The following VPS13A variants were observed in gnomAD, a reference collection of about 807,000 sequenced individuals.
VPS13A encodes vacuolar protein sorting 13 homolog A, also known as intermembrane lipid transfer protein VPS13A.
In VPS13A, 264 loss-of-function variants were observed where a neutral mutation model predicts 390.9. The ratio of observed to expected loss-of-function variants is 0.68; its 90% confidence interval spans 0.61 to 0.75. The LOEUF is 0.75. VPS13A is among the 30% of genes least tolerant of loss of function. The pLI is 0.00. For missense variants in VPS13A, 3,409 were observed against 3,733.9 expected (o/e 0.91, Z 2.27); for synonymous variants, 1,231 against 1,227.1 (o/e 1.00, Z -0.07).
At chr9:77,391,024 G>A (rs1162237043) in intron 68 of VPS13A, among the ~76,000 whole-genome samples, 2 of 152,062 alleles carry the variant, frequency 1.3e-5, no homozygotes, top group African/African-American at 4.8e-5. Flanking sequence ...GCCCAGGTAC[G>A]TTCAATTTGA....
chr9:77,344,761 GAA>G (rs375699491), intron 51 of VPS13A, among the ~76,000 whole-genome samples: 3 of 119,322 alleles, frequency 2.5e-5, no homozygotes, highest in African/African-American at 6.1e-5. Flanking sequence ...TCCGTCTCAA[GAA>G]AAAAAAAAAA....
At chr9:77,187,120 C>T (rs1250699726) in intron 1 of VPS13A, among the ~76,000 whole-genome samples, 1 of 152,152 alleles carries the variant, frequency 6.6e-6, no homozygotes. Flanking sequence ...TTTTGTTTCT[C>T]CATTCATCTG....
chr9:77,238,449 G>T, intron 19 of VPS13A, 63 bp downstream of exon 19: 1 of 1,214,422 alleles, frequency 8.2e-7, no homozygotes, highest in Non-Finnish European at 1.2e-6. Context: ...TTTTATTTAT[G>T]GTAGAATGTT....
chr9:77,247,737 T>C (rs1207505686), intron 20 of VPS13A, among the ~76,000 whole-genome samples: 1 of 152,204 alleles, frequency 6.6e-6, no homozygotes, highest in Non-Finnish European at 1.5e-5. Flanking sequence ...CTTGGCTCAC[T>C]GCAACCTCTG....
intron 10 of VPS13A, among the ~76,000 whole-genome samples, chr9:77,215,907 C>G (rs896880214): frequency 6.6e-6 from 1 of 152,200 alleles, no homozygotes; most frequent in African/African-American, 2.4e-5. Context: ...ACTGCCTTAG[C>G]AAGGTGCTGG....
At chr9:77,224,555 A>G (rs1823400811) in intron 13 of VPS13A, among the ~76,000 whole-genome samples, 1 of 152,210 alleles carries the variant, frequency 6.6e-6, no homozygotes, top group African/African-American at 2.4e-5. Flanking sequence ...TGTGGTGGAA[A>G]TACGAAGAGA....
intron 17 of VPS13A, among the ~76,000 whole-genome samples, chr9:77,236,567 T>C (rs570028879): frequency 1.3e-5 from 2 of 152,316 alleles, no homozygotes; most frequent in African/African-American, 2.4e-5. Flanking sequence ...AATTTCTAAT[T>C]CCCAGTACCT....
intron 4 of VPS13A, among the ~76,000 whole-genome samples, chr9:77,205,715 C>T (rs1448372530): frequency 1.3e-5 from 2 of 151,972 alleles, no homozygotes; most frequent in East Asian, 3.9e-4. Context: ...CCTCAGCCTC[C>T]TGAGTAGCTG....
At chr9:77,357,502 AAAGT>A in intron 55 of VPS13A, among the ~76,000 whole-genome samples, 186 bp from the exon 56 acceptor site, 1 of 151,920 alleles carries the variant, frequency 6.6e-6, no homozygotes, top group East Asian at 1.9e-4. Flanking sequence ...ATTTATGTAA[AAAGT>A]AATGCAGTGA....
intron 71 of VPS13A, among the ~76,000 whole-genome samples, chr9:77,409,431 G>A (rs1834796524): frequency 6.6e-6 from 1 of 152,134 alleles, no homozygotes; most frequent in East Asian, 1.9e-4. Flanking sequence ...CACCAGCAAT[G>A]GAACAAAGCT....
chr9:77,357,983 T>C, intron 56 of VPS13A, 145 bp downstream of exon 56: 7 of 719,818 alleles, frequency 9.7e-6, no homozygotes, highest in Non-Finnish European at 1.3e-5. Flanking sequence ...TGAGACAGAG[T>C]CTCCCTCTGT....
intron 1 of VPS13A, 21 bp from the exon 2 acceptor site, chr9:77,199,924 C>G: frequency 6.3e-7 from 1 of 1,581,460 alleles, no homozygotes; most frequent in African/African-American, 1.4e-5. Flanking sequence ...TTGTTTGAAT[C>G]TTTTTTTTAA....
rs564491981 is a variant in VPS13A at position 77,246,794 on chromosome 9, T to G, written c.1901-465T>G. Among the ~76,000 whole-genome samples, 3 of 152,266 alleles carry G rather than the reference T, an allele frequency of 2.0e-5. No individual in the cohort carries two copies. In the East Asian group the frequency reaches 5.8e-4, roughly 29 times the overall value. ...AACTCTGGTTTGTTGCCTTTTCTGG[T>G]TTGCATATGATTTTATTGAAGATGA... On this transcript the variant is annotated intron_variant, in intron 19 of 71. Transcript: ENST00000360280.
intron 5 of VPS13A, among the ~76,000 whole-genome samples, chr9:77,206,282 G>A (rs1825633487): frequency 2.0e-5 from 3 of 149,466 alleles, no homozygotes; most frequent in African/African-American, 7.4e-5. Context: ...TTATCTTAAG[G>A]CAAATAATAT....
intron 19 of VPS13A, among the ~76,000 whole-genome samples, chr9:77,244,351 A>G (rs1189394964): frequency 6.6e-6 from 1 of 151,862 alleles, no homozygotes; most frequent in African/African-American, 2.4e-5. Context: ...CTTTGTTGGG[A>G]GAAGGAACCT....
At chr9:77,291,846 CCCT>C (rs1208075206) in intron 31 of VPS13A, among the ~76,000 whole-genome samples, 1 of 152,246 alleles carries the variant, frequency 6.6e-6, no homozygotes, top group African/African-American at 2.4e-5. Context: ...GCCATCCTGC[CCCT>C]CCTCCTCATG....
At chr9:77,398,184 G>T (rs974234619) in intron 68 of VPS13A, among the ~76,000 whole-genome samples, 2 of 152,166 alleles carry the variant, frequency 1.3e-5, no homozygotes, top group African/African-American at 4.8e-5. Flanking sequence ...GAAAAAATTA[G>T]CAGCCTACCT....
chr9:77,342,924 C>G (rs982088210), intron 50 of VPS13A, among the ~76,000 whole-genome samples: 1 of 152,122 alleles, frequency 6.6e-6, no homozygotes, highest in Non-Finnish European at 1.5e-5. Flanking sequence ...AACAAAGTGT[C>G]CGGCAGTTTT....
chr9:77,330,526 C>T (rs1262682789), intron 45 of VPS13A, among the ~76,000 whole-genome samples: 1 of 152,184 alleles, frequency 6.6e-6, no homozygotes, highest in Non-Finnish European at 1.5e-5. Flanking sequence ...ACATTCCAAA[C>T]AGGCACCATT....
Sources: gnomAD v4.1 joint callset for allele counts (sites outside exome capture counted in the v4.1 genomes callset) on GRCh38, gnomAD v4.1.1 for gene constraint, MANE v1.5 for transcripts, NCBI Gene and HGNC (gene_info 2026-07-23, HGNC 2026-07-21) for gene names.